HDAC9: variants seen among roughly 807,000 people sequenced by gnomAD.
HDAC9 encodes histone deacetylase 9.
Under a neutral mutation model 139.4 loss-of-function variants are expected in HDAC9, and 41 were observed. The ratio of observed to expected loss-of-function variants is 0.29; its 90% CI spans 0.23 to 0.38. The LOEUF (loss-of-function observed/expected upper bound fraction) is 0.38. Ranked by LOEUF, HDAC9 falls within the 10% of genes least tolerant of loss-of-function variation. The probability of loss-of-function intolerance (pLI) is 1.00; values close to 1 mark genes in which losing one functional copy is unlikely to be tolerated. For missense variants in HDAC9, 1,147 were observed against 1,297.0 expected (o/e 0.88, Z 1.78); for synonymous variants, 517 against 476.2 (o/e 1.09, Z -1.12).
At chr7:18,432,949 T>A (rs1438403776) in intron 1 of HDAC9, among the ~76,000 whole-genome samples, 1 of 147,356 alleles carries the variant, frequency 6.8e-6, no homozygotes, top group South Asian at 2.1e-4. Flanking sequence ...AGACTCTGTC[T>A]TAAAAAAAAA....
rs58034239 is a variant in HDAC9, at chr7:18,869,147, G to GGTGTGTGTGTGTGTGTGTGT, written c.2685-5310_2685-5291dup. Reference sequence around the variant, plus strand: ...GGGAAATTCCTGGACTCACAATTGGGGTGTGTGTGTGTGTGTGTGTGTGTG... The same window carrying GGTGTGTGTGTGTGTGTGTGT: ...GGGAAATTCCTGGACTCACAATTGGGGTGTGTGTGTGTGTGTGTGTGTGTGTGTGTGTGTGTGTGTGTGTG... On this transcript the variant is annotated intron_variant, in intron 21 of 25. Coordinates refer to ENST00000686413, the MANE Select transcript of HDAC9 (RefSeq NM_178425.4). Among the ~76,000 whole-genome samples, 334 of 138,212 alleles carry GGTGTGTGTGTGTGTGTGTGT rather than the reference G, an allele frequency of 2.4e-3. 2 individuals carry two copies. Among genetic ancestry groups the GGTGTGTGTGTGTGTGTGTGT allele is most frequent in the African/African-American group, 8.7e-3 (317 of 36,308 alleles). The allele number at this position is 138,212 out of a possible 152,430, so 90.7% of individuals were successfully genotyped here.
chr7:18,972,491 C>T (rs1372959657), intron 24 of HDAC9, among the ~76,000 whole-genome samples: 3 of 149,744 alleles, frequency 2.0e-5, no homozygotes, highest in Non-Finnish European at 4.4e-5. Flanking sequence ...AAGGATTCTC[C>T]TGCCTCAGCC....
intron 2 of HDAC9, among the ~76,000 whole-genome samples, chr7:18,172,540 G>GT (rs1286881478): frequency 1.2e-4 from 18 of 152,294 alleles, no homozygotes; most frequent in Admixed American, 7.2e-4. Context: ...TAACTGTGAT[G>GT]TTACGGTGTT....
At chr7:18,246,580 A>G (rs935976104) in intron 2 of HDAC9, among the ~76,000 whole-genome samples, 2 of 151,964 alleles carry the variant, frequency 1.3e-5, no homozygotes, top group African/African-American at 4.8e-5. Context: ...TGTCTTTGGC[A>G]TTTTGGGGAG....
chr7:18,345,572 CA>C (rs35183114), intron 1 of HDAC9, among the ~76,000 whole-genome samples: 50,485 of 123,312 alleles, frequency 0.41, 8,667 homozygotes, highest in African/African-American at 0.48. Context: ...CAACAGAAGA[CA>C]AAAAAAAAAA....
At chr7:18,363,827 A>C (rs1376878711) in intron 1 of HDAC9, among the ~76,000 whole-genome samples, 1 of 152,026 alleles carries the variant, frequency 6.6e-6, no homozygotes, top group East Asian at 1.9e-4. Context: ...AGGGCATCTC[A>C]TTGTATTATT....
intron 2 of HDAC9, among the ~76,000 whole-genome samples, chr7:18,563,221 A>G (rs1821154022): frequency 6.6e-6 from 1 of 152,202 alleles, no homozygotes; most frequent in Non-Finnish European, 1.5e-5. Context: ...TAATAGTGCT[A>G]TTATAATCTC....
chr7:18,235,613 G>T (rs944581048), intron 2 of HDAC9, among the ~76,000 whole-genome samples: 1 of 152,152 alleles, frequency 6.6e-6, no homozygotes, highest in African/African-American at 2.4e-5. Flanking sequence ...CTGATTGGAA[G>T]TTATTTGCAT....
chr7:18,208,721 T>C (rs867314659), intron 2 of HDAC9, among the ~76,000 whole-genome samples: 2 of 151,926 alleles, frequency 1.3e-5, no homozygotes, highest in South Asian at 2.1e-4. Flanking sequence ...TGATAAGATA[T>C]AGAAAAAAAT....
chr7:18,374,251 TTATATA>T (rs906663750), intron 1 of HDAC9, among the ~76,000 whole-genome samples: 2 of 151,004 alleles, frequency 1.3e-5, no homozygotes, highest in East Asian at 3.9e-4. Context: ...AGTTTAGAAG[TTATATA>T]TATATGTAGT....
chr7:18,229,986 A>T (rs575463667), intron 2 of HDAC9, among the ~76,000 whole-genome samples: 18 of 152,318 alleles, frequency 1.2e-4, no homozygotes, highest in African/African-American at 4.1e-4. Context: ...TAAGAGAGAG[A>T]AAAATAGTGG....
intron 6 of HDAC9, among the ~76,000 whole-genome samples, chr7:18,599,399 C>A (rs1833339311): frequency 6.6e-6 from 1 of 152,100 alleles, no homozygotes; most frequent in Non-Finnish European, 1.5e-5. Flanking sequence ...GTCATATATC[C>A]ACCATTACAG....
At chr7:18,434,089 A>G (rs929845915) in intron 1 of HDAC9, among the ~76,000 whole-genome samples, 2 of 152,214 alleles carry the variant, frequency 1.3e-5, no homozygotes, top group Non-Finnish European at 2.9e-5. Flanking sequence ...AGAACAGAAT[A>G]GAGAACCCAG....
intron 1 of HDAC9, among the ~76,000 whole-genome samples, chr7:18,416,534 G>A (rs972587545): frequency 1.3e-5 from 2 of 151,726 alleles, no homozygotes; most frequent in South Asian, 2.1e-4. Flanking sequence ...ATCAGGCCTC[G>A]TATTTTCTCT....
chr7:18,995,518 G>T (rs1358395916), intron 25 of HDAC9, among the ~76,000 whole-genome samples: 1 of 152,172 alleles, frequency 6.6e-6, no homozygotes, highest in African/African-American at 2.4e-5. Context: ...TGGGTCTGTA[G>T]CAACAATTTG....
At chr7:18,233,688 G>T (rs989001385) in intron 2 of HDAC9, among the ~76,000 whole-genome samples, 10 of 152,096 alleles carry the variant, frequency 6.6e-5, no homozygotes, top group African/African-American at 2.4e-4. Flanking sequence ...TAGGGGAACG[G>T]AGCACACACA....
intron 2 of HDAC9, among the ~76,000 whole-genome samples, chr7:18,243,707 A>G (rs1794339500): frequency 6.6e-6 from 1 of 152,232 alleles, no homozygotes; most frequent in Non-Finnish European, 1.5e-5. Context: ...CTTGAATGAA[A>G]CATGGAGCTG....
chr7:18,314,856 G>A (rs1481190398), intron 1 of HDAC9, among the ~76,000 whole-genome samples: 1 of 152,118 alleles, frequency 6.6e-6, no homozygotes. Context: ...TTTGAAATTC[G>A]TGTTTTATAT....
chr7:18,437,717 GC>G (rs1480394119), intron 1 of HDAC9, among the ~76,000 whole-genome samples: 5 of 151,618 alleles, frequency 3.3e-5, no homozygotes, highest in Non-Finnish European at 5.9e-5. Context: ...TCACTGTAAT[GC>G]AGGCAAAGAT....
Sources: gnomAD v4.1 joint callset for allele counts (sites outside exome capture counted in the v4.1 genomes callset) on GRCh38, gnomAD v4.1.1 for gene constraint, MANE v1.5 for transcripts, NCBI Gene and HGNC (gene_info 2026-07-23, HGNC 2026-07-21) for gene names.